The following SPIDR variants were observed in gnomAD, a reference collection of about 807,000 sequenced individuals.
SPIDR encodes DNA repair-scaffolding protein.
In SPIDR, 93 loss-of-function variants were observed where a neutral mutation model predicts 104.6. The ratio of observed to expected loss-of-function variants is 0.89; its 90% CI spans 0.75 to 1.06. SPIDR has a LOEUF of 1.06. SPIDR is among the 50% of genes least tolerant of loss of function. SPIDR has a pLI of 0.00. For synonymous variants in SPIDR, 431 were observed against 416.9 expected (o/e 1.03, Z -0.41); for missense variants, 1,154 against 1,111.2 (o/e 1.04, Z -0.55).
intron 7 of SPIDR, among the ~76,000 whole-genome samples, chr8:47,436,663 C>A (rs782389358): frequency 1.8e-4 from 28 of 152,198 alleles, no homozygotes; most frequent in Non-Finnish European, 3.7e-4. Context: ...GTTATCGAGG[C>A]TGCAGTAAGC....
intron 10 of SPIDR, among the ~76,000 whole-genome samples, chr8:47,603,677 C>T (rs183676341): frequency 4.7e-4 from 72 of 152,060 alleles, no homozygotes; most frequent in Non-Finnish European, 5.4e-4. Flanking sequence ...GGACTACAGG[C>T]GTGAGCCACC....
chr8:47,273,150 C>T (rs62542988), intron 1 of SPIDR, among the ~76,000 whole-genome samples: 1 of 151,978 alleles, frequency 6.6e-6, no homozygotes, highest in Non-Finnish European at 1.5e-5. Context: ...CACGCAGGTT[C>T]AGGGCTCAGT....
chr8:47,365,099 C>A (rs367806933), intron 5 of SPIDR, among the ~76,000 whole-genome samples: 1 of 152,196 alleles, frequency 6.6e-6, no homozygotes, highest in East Asian at 1.9e-4. Context: ...GAACCTAGAA[C>A]AGGCAAAGAC....
chr8:47,354,909 T>C (rs2154283899), intron 5 of SPIDR, among the ~76,000 whole-genome samples: 1 of 152,102 alleles, frequency 6.6e-6, no homozygotes, highest in Admixed American at 6.5e-5. Flanking sequence ...TCCCAGAGTG[T>C]TGGGATTACA....
At chr8:47,660,615 C>A in intron 10 of SPIDR, 3 of 622,752 alleles carry the variant, frequency 4.8e-6, no homozygotes, top group Non-Finnish European at 6.0e-6. Flanking sequence ...GGGCAGGGAC[C>A]CGCTGTAGAC....
At chr8:47,434,568 C>A (rs1189259710) in intron 7 of SPIDR, among the ~76,000 whole-genome samples, 2 of 152,140 alleles carry the variant, frequency 1.3e-5, no homozygotes, top group East Asian at 3.8e-4. Context: ...ACATTAGTGG[C>A]AACAATTATG....
chr8:47,290,395 A>G (rs1020613030), intron 3 of SPIDR, among the ~76,000 whole-genome samples: 4 of 152,194 alleles, frequency 2.6e-5, no homozygotes, highest in Non-Finnish European at 5.9e-5. Flanking sequence ...TCCTGTGGTG[A>G]TAGAATTGAT....
chr8:47,418,569 G>C (rs1302720360), intron 7 of SPIDR, among the ~76,000 whole-genome samples: 1 of 152,116 alleles, frequency 6.6e-6, no homozygotes, highest in Non-Finnish European at 1.5e-5. Flanking sequence ...CTGCAAACAG[G>C]GACAATTTGA....
At chr8:47,420,186 C>T (rs1171196936) in intron 7 of SPIDR, among the ~76,000 whole-genome samples, 3 of 152,078 alleles carry the variant, frequency 2.0e-5, no homozygotes, top group African/African-American at 7.2e-5. Context: ...CTTTGTGTCT[C>T]GTTGATCTGT....
intron 5 of SPIDR, among the ~76,000 whole-genome samples, chr8:47,312,238 A>C (rs1350509113): frequency 7.9e-5 from 12 of 152,178 alleles, no homozygotes; most frequent in Non-Finnish European, 1.6e-4. Context: ...TATACCCAGT[A>C]ATGGGATGGC....
intron 5 of SPIDR, among the ~76,000 whole-genome samples, chr8:47,303,799 A>G (rs893140543): frequency 6.6e-6 from 1 of 152,096 alleles, no homozygotes; most frequent in African/African-American, 2.4e-5. Flanking sequence ...ATCAAAGATG[A>G]CATGGTAGCT....
In SPIDR at chr8:47,468,085, G is replaced by A. The variant is rs1054615929; in HGVS notation, c.1097+27543G>A. On this transcript the variant is annotated intron_variant, in intron 8 of 19. Coordinates refer to ENST00000297423, the MANE Select transcript of SPIDR (RefSeq NM_001080394.4). ...AGCCATCAAGCTGAGAGCCAAATCAGGAATGCAATCCCAATCACACTTGCC... is the reference window on the plus strand; with the variant it reads ...AGCCATCAAGCTGAGAGCCAAATCAAGAATGCAATCCCAATCACACTTGCC... 7.9e-5 allele frequency among the ~76,000 whole-genome samples: 12 copies of A among 151,696 alleles called. 1 individual carries two copies. The East Asian group carries it at 2.3e-3, about 29-fold the overall frequency.
chr8:47,496,207 G>A (rs1226505265), intron 8 of SPIDR, among the ~76,000 whole-genome samples: 1 of 151,976 alleles, frequency 6.6e-6, no homozygotes, highest in African/African-American at 2.4e-5. Context: ...TCATTTCCCT[G>A]ACTGGAACCT....
chr8:47,563,643 C>G (rs1223934516), intron 8 of SPIDR, among the ~76,000 whole-genome samples: 1 of 152,152 alleles, frequency 6.6e-6, no homozygotes, highest in East Asian at 1.9e-4. Context: ...GAAAATAAGA[C>G]TTAGAATCTG....
chr8:47,283,021 A>G (rs1248231309), intron 2 of SPIDR, among the ~76,000 whole-genome samples: 3 of 151,914 alleles, frequency 2.0e-5, no homozygotes, highest in Non-Finnish European at 2.9e-5. Flanking sequence ...ACGCCCAGCT[A>G]ATTTTTGTAT....
chr8:47,664,743 CAAAAAAAAA>C (rs771963348), intron 10 of SPIDR, among the ~76,000 whole-genome samples: 3 of 63,528 alleles, frequency 4.7e-5, no homozygotes, highest in Non-Finnish European at 8.2e-5. Context: ...CCCATCTCTA[CAAAAAAAAA>C]AAAAAAAAAA....
At chr8:47,722,832 C>T (rs1284897256) in intron 16 of SPIDR, among the ~76,000 whole-genome samples, 2 of 151,490 alleles carry the variant, frequency 1.3e-5, no homozygotes, top group Non-Finnish European at 2.9e-5. Flanking sequence ...AGGCTGCTCT[C>T]AAACTCCTGG....
At chr8:47,401,799 G>A (rs1328059583) in intron 6 of SPIDR, among the ~76,000 whole-genome samples, 21 of 152,106 alleles carry the variant, frequency 1.4e-4, no homozygotes, top group African/African-American at 4.8e-4. Flanking sequence ...CTAAATATAT[G>A]TGCACACAAT....
At chr8:47,493,901 TTAAA>T (rs2079078413) in intron 8 of SPIDR, among the ~76,000 whole-genome samples, 2 of 152,318 alleles carry the variant, frequency 1.3e-5, no homozygotes, top group African/African-American at 4.8e-5. Context: ...TTATTTTTTA[TTAAA>T]TAGAGCATCC....
Sources: gnomAD v4.1 joint callset for allele counts (sites outside exome capture counted in the v4.1 genomes callset) on GRCh38, gnomAD v4.1.1 for gene constraint, MANE v1.5 for transcripts, NCBI Gene and HGNC (gene_info 2026-07-23, HGNC 2026-07-21) for gene names.